The following HECTD4 variants were observed in gnomAD, a reference collection of about 807,000 sequenced individuals.
HECTD4 encodes probable E3 ubiquitin-protein ligase HECTD4.
HECTD4 carries 114 observed loss-of-function variants against 471.5 expected under a neutral mutation model. That is an observed-to-expected ratio of 0.24 (90% CI 0.21 to 0.28). The LOEUF (loss-of-function observed/expected upper bound fraction) is 0.28. Ranked by LOEUF, HECTD4 falls within the 10% of genes least tolerant of loss-of-function variation. The pLI is 1.00. For missense variants in HECTD4, 3,866 were observed against 5,651.5 expected, an observed-to-expected ratio of 0.68 and a Z score of 10.13; for synonymous variants, 2,012 against 2,256.0, an observed-to-expected ratio of 0.89 and a Z score of 3.07.
chr12:112,251,208 C>A (rs1342326300), intron 23 of HECTD4, 74 bp from the exon 24 acceptor site: 1 of 1,435,700 alleles, frequency 7.0e-7, no homozygotes, highest in Non-Finnish European at 9.5e-7. Flanking sequence ...CTGCCCCACA[C>A]TGCACTGTCC....
intron 7 of HECTD4, among the ~76,000 whole-genome samples, chr12:112,287,770 A>C (rs1454748052): frequency 6.6e-6 from 1 of 151,976 alleles, no homozygotes; most frequent in East Asian, 1.9e-4. Context: ...AAAAGAAAAA[A>C]AGAGTTATAG....
intron 1 of HECTD4, among the ~76,000 whole-genome samples, chr12:112,360,379 C>T (rs2036427877): frequency 6.6e-6 from 1 of 152,078 alleles, no homozygotes; most frequent in Non-Finnish European, 1.5e-5. Flanking sequence ...ACTATTCTTA[C>T]CATTCACAAA....
At chr12:112,362,276 G>A (rs968541213) in intron 1 of HECTD4, among the ~76,000 whole-genome samples, 5 of 152,128 alleles carry the variant, frequency 3.3e-5, no homozygotes, top group African/African-American at 1.2e-4. Flanking sequence ...AGCTGCCCTG[G>A]GTGATATCCT....
chr12:112,361,592 G>A (rs2036450842), intron 1 of HECTD4, among the ~76,000 whole-genome samples: 2 of 152,018 alleles, frequency 1.3e-5, no homozygotes. Flanking sequence ...CCTTGAAGGG[G>A]GGCATTTTAT....
intron 20 of HECTD4, among the ~76,000 whole-genome samples, chr12:112,257,724 A>T (rs1295674636): frequency 6.6e-6 from 1 of 152,214 alleles, no homozygotes; most frequent in African/African-American, 2.4e-5. Context: ...CAATTTGCTT[A>T]TCCATTCACT....
Position 112,179,370 on chromosome 12 carries a change from T to C in HECTD4, c.11015A>G (p.Glu3672Gly), listed in dbSNP as rs755937413. The C allele has an allele frequency of 1.2e-6, 2 of 1,612,616 alleles. No homozygotes were observed. The highest frequency in any genetic ancestry group is 4.5e-5 in the East Asian group (2 of 44,856). Reference sequence around the variant, plus strand: ...ACTCTTAAATATCTCCGTCAGAACCTCTCTGGCTCCGGGCACCAGCTTCTC... The same window carrying C: ...ACTCTTAAATATCTCCGTCAGAACCCCTCTGGCTCCGGGCACCAGCTTCTC... ...KGEKLVPGAREVLTEIFKSCA... is the reference protein window; with the variant it reads ...KGEKLVPGARGVLTEIFKSCA... The change falls in exon 63 of 76, where the codon GAG becomes GGG. Residue 3672 changes from glutamate (E) to glycine (G), a missense_variant. Glu to Gly is a moderately conservative substitution (Grantham distance 98). This residue lies in a region of HECTD4 where 715 missense variants were observed against 1,087.6 expected (regional missense o/e 0.66). Transcript: ENST00000682272. This position sits in a 1 kb window ranked among gnomAD's most constrained non-coding sequence, Gnocchi z 4.3.
chr12:112,354,793 T>C (rs1451096308), intron 1 of HECTD4, among the ~76,000 whole-genome samples: 1 of 152,140 alleles, frequency 6.6e-6, no homozygotes, highest in African/African-American at 2.4e-5. Context: ...AATTATATTC[T>C]CAACCATGGT....
Position 112,194,967 on chromosome 12 carries a change from G to T in HECTD4, c.8667C>A (p.Leu2889=). Residue 2889 remains leucine, a synonymous_variant, in exon 56 of 76, where the codon CTC becomes CTA. Coordinates refer to ENST00000682272, the MANE Select transcript of HECTD4 (RefSeq NM_001388303.1). This position sits in a 1 kb window ranked among gnomAD's most constrained non-coding sequence, Gnocchi z 4.6. Reference sequence around the variant, plus strand: ...TGTCCCGGATGGCAGGGATGTGGAAGAGGCGAGTGAACAAGTGAGGCAACT... The same window carrying T: ...TGTCCCGGATGGCAGGGATGTGGAATAGGCGAGTGAACAAGTGAGGCAACT... ...APKLPHLFTR[L]FHIPAIRDIT... is the part of the protein sequence containing the mutation. 1 of 1,611,348 alleles carries T rather than the reference G, an allele frequency of 6.2e-7. No homozygotes were observed. Among genetic ancestry groups the T allele is most frequent in the Non-Finnish European group, 8.5e-7 (1 of 1,178,880 alleles).
intron 38 of HECTD4, among the ~76,000 whole-genome samples, chr12:112,232,468 C>T (rs1001085263): frequency 2.0e-5 from 3 of 152,134 alleles, no homozygotes; most frequent in African/African-American, 7.2e-5. Flanking sequence ...GTGAAGAACA[C>T]CCTGTGTGTC....
intron 1 of HECTD4, among the ~76,000 whole-genome samples, chr12:112,327,259 G>A (rs1361052507): frequency 6.6e-6 from 1 of 152,162 alleles, no homozygotes; most frequent in Non-Finnish European, 1.5e-5. Flanking sequence ...GGAGGTTGCA[G>A]TAAGCCAAGA....
intron 44 of HECTD4, among the ~76,000 whole-genome samples, chr12:112,220,814 G>T (rs2033066707): frequency 1.3e-5 from 2 of 151,040 alleles, no homozygotes; most frequent in South Asian, 4.2e-4. Flanking sequence ...ATAAACAAGA[G>T]ATAAGAAGCA....
In HECTD4 at chr12:112,162,700, G is replaced by T; in HGVS notation, c.13121-177C>A. ...CTGCGAGATGTTCTTGGAGGGAAAAGGGGAGAGAGCTGCTGGACAGCGCAT... is the reference window on the plus strand; with the variant it reads ...CTGCGAGATGTTCTTGGAGGGAAAATGGGAGAGAGCTGCTGGACAGCGCAT... On this transcript the variant is annotated intron_variant, in intron 75 of 75. Coordinates refer to ENST00000682272, the MANE Select transcript of HECTD4 (RefSeq NM_001388303.1). The surrounding 1 kb of genome is among the most constrained non-coding windows in gnomAD (Gnocchi z 5.2). 2.9e-6 allele frequency: 2 copies of T among 693,710 alleles called. No homozygotes were observed. The highest frequency in any genetic ancestry group is 2.7e-5 in the East Asian group (1 of 36,694). The allele number at this position is 693,710 out of a possible 1,614,324, so 43.0% of individuals were successfully genotyped here.
rs769772514 is a variant in HECTD4 at position 112,261,435 on chromosome 12, C to CA, written c.2749-7dup. The stretch of plus-strand genomic sequence containing the variant: ...AAAATACTGACTTTTAGCTCCTAGG[C>CA]AGAAAATATCATCATATTATTTTTA... On this transcript the variant is annotated splice_region_variant and splice_polypyrimidine_tract_variant and intron_variant, in intron 17 of 75. Transcript: ENST00000682272. 9 of 1,590,990 alleles carry CA rather than the reference C, an allele frequency of 5.7e-6. No individual in the cohort carries two copies. The South Asian group carries it at 1.0e-4, about 18-fold the overall frequency.
rs1340316573 is a variant in HECTD4 at position 112,161,053 on chromosome 12, C to G, written c.*1334G>C. 1 of 152,210 alleles carries G rather than the reference C, an allele frequency of 6.6e-6. No homozygotes were observed. The highest frequency in any genetic ancestry group is 1.5e-5 in the Non-Finnish European group (1 of 68,052). The allele number at this position is 152,210 out of a possible 1,614,324, so 9.4% of individuals were successfully genotyped here. A position where few individuals can be genotyped will look rare whatever the true frequency, so the allele number is the denominator to read the frequency against. On this transcript the variant is annotated 3_prime_UTR_variant, in exon 76 of 76. Transcript: ENST00000682272. ...ATCTTTCCAGCAGGCCAGGGCACAT[C>G]TTCTTTCTTGGACCAGCATCCACAC...
At chr12:112,278,304 T>G (rs1031732929) in intron 9 of HECTD4, among the ~76,000 whole-genome samples, 2 of 152,180 alleles carry the variant, frequency 1.3e-5, no homozygotes, top group African/African-American at 4.8e-5. Context: ...TAAAAACCAC[T>G]GAATTGTATA....
chr12:112,379,756 C>T (rs1310145068), intron 1 of HECTD4, among the ~76,000 whole-genome samples: 1 of 151,100 alleles, frequency 6.6e-6, no homozygotes, highest in African/African-American at 2.4e-5. Context: ...CCCACACAAA[C>T]ACAAATCTAA....
At chr12:112,252,900 C>T (rs1323769184) in intron 22 of HECTD4, among the ~76,000 whole-genome samples, 3 of 151,868 alleles carry the variant, frequency 2.0e-5, no homozygotes, top group African/African-American at 7.3e-5. Flanking sequence ...GTCTCAATCT[C>T]CCAGGCTCAA....
intron 44 of HECTD4, among the ~76,000 whole-genome samples, chr12:112,224,686 T>C (rs1593949658): frequency 6.6e-6 from 1 of 152,356 alleles, no homozygotes; most frequent in East Asian, 1.9e-4. Context: ...TGCAACTCTT[T>C]GTTACCACAA....
chr12:112,246,761 T>C (rs2033772610), intron 29 of HECTD4, 140 bp downstream of exon 29: 8 of 649,590 alleles, frequency 1.2e-5, no homozygotes, highest in South Asian at 3.9e-5. Flanking sequence ...AAATTAAATA[T>C]GTTAAAATTT....
Sources: gnomAD v4.1 joint callset for allele counts (sites outside exome capture counted in the v4.1 genomes callset) on GRCh38, gnomAD v4.1.1 for gene constraint, gnomAD v4.1.1 regional missense constraint, Gnocchi (gnomAD v3.1) non-coding constraint, MANE v1.5 for transcripts, NCBI Gene and HGNC (gene_info 2026-07-23, HGNC 2026-07-21) for gene names.